PRAMEF18: variants seen among roughly 807,000 people sequenced by gnomAD.
PRAMEF18 encodes the protein PRAME family member-like.
Under a neutral mutation model 23.7 loss-of-function variants are expected in PRAMEF18, and 15 were observed. The ratio of observed to expected loss-of-function variants is 0.63; its 90% CI spans 0.42 to 0.97. The LOEUF is 0.97. Ranked by LOEUF, PRAMEF18 falls within the 50% of genes least tolerant of loss-of-function variation. The pLI is 0.00. For missense variants in PRAMEF18, 223 were observed against 418.6 expected (o/e 0.53, Z 4.08); for synonymous variants, 78 against 159.9 (o/e 0.49, Z 3.86).
At chr1:13,222,698 C>CAAA (rs1638779461), downstream of PRAMEF18, 1 of 38,148 alleles carries the variant, frequency 2.6e-5, no homozygotes, top group African/African-American at 1.0e-4. Context: ...ACAACGACAA[C>CAAA]ATGAAGTTTA....
At chr1:13,225,550 C>G in intron 1 of PRAMEF18, 117 bp from the exon 2 acceptor site, 1 of 1,268,780 alleles carries the variant, frequency 7.9e-7, no homozygotes, top group Non-Finnish European at 1.1e-6. Context: ...CTCCTTCTGT[C>G]TCTTCTCCAT....
exon 2 of PRAMEF18, chr1:13,225,013 T>C (rs764877454): frequency 1.2e-6 from 2 of 1,614,154 alleles, no homozygotes; most frequent in Non-Finnish European, 1.7e-6. Flanking sequence ...AGATGAAGAG[T>C]TTGCGAAGAT....
intron 2 of PRAMEF18, chr1:13,224,138 C>G (rs1344747511): frequency 2.6e-6 from 1 of 385,600 alleles, no homozygotes; most frequent in African/African-American, 2.6e-5. Flanking sequence ...GCCATAAAAT[C>G]TCTAAAGCCT....
At chr1:13,224,550 C>T (rs1348686469) in intron 2 of PRAMEF18, 1 of 559,106 alleles carries the variant, frequency 1.8e-6, no homozygotes, top group Non-Finnish European at 3.1e-6. Flanking sequence ...TAACTTTAAA[C>T]ACACTTCCTA....
rs1420267589 is a variant in PRAMEF18, at chr1:13,225,083, C to T, written c.638G>A (p.Trp213Ter). ...TATCATACACAGCCAGCACATGTTC[C>T]AAATTTCCAACACTTGGATACTGTC... The change falls in exon 2 of 3, where the codon TGG becomes TAG. Residue 213 changes from tryptophan to a stop codon, truncating the protein, a stop_gained. Coordinates refer to ENST00000624297, the Ensembl canonical transcript of PRAMEF18. LOFTEE classifies it high-confidence loss of function. 1.2e-6 allele frequency: 2 copies of T among 1,614,000 alleles called. No individual in the cohort carries two copies. The highest frequency in any genetic ancestry group is 1.3e-5 in the African/African-American group (1 of 74,960).
At chr1:13,225,044 C>T (rs879235545) in exon 2 of PRAMEF18, 29 of 1,613,746 alleles carry the variant, frequency 1.8e-5, no homozygotes, top group South Asian at 1.1e-4. Flanking sequence ...GCTCAGGTAA[C>T]GGCTAAACTC....
exon 2 of PRAMEF18, chr1:13,225,405 G>T (rs752739947): frequency 1.2e-6 from 2 of 1,610,274 alleles, no homozygotes; most frequent in South Asian, 1.1e-5. Flanking sequence ...TCAACATCCC[G>T]CATTTCCAGC....
At chr1:13,224,628 G>C (rs1303377738) in intron 2 of PRAMEF18, 2 of 812,072 alleles carry the variant, frequency 2.5e-6, no homozygotes, top group African/African-American at 3.5e-5. Flanking sequence ...CTCCCTACAC[G>C]ATGTCCCTCT....
chr1:13,224,856 T>A (rs1638818422), exon 2 of PRAMEF18: 1 of 1,613,852 alleles, frequency 6.2e-7, no homozygotes, highest in Non-Finnish European at 8.5e-7. Flanking sequence ...CTTCCTCACC[T>A]GATCAGCTGG....
intron 2 of PRAMEF18, 30 bp downstream of exon 2, chr1:13,224,825 C>A (rs917159173): frequency 1.2e-6 from 2 of 1,613,664 alleles, no homozygotes; most frequent in Non-Finnish European, 8.5e-7. Flanking sequence ...GTGCTATGGC[C>A]CCCAGAGAAA....
chr1:13,224,921 T>G, exon 2 of PRAMEF18: 1 of 1,614,098 alleles, frequency 6.2e-7, no homozygotes. Context: ...CTGGAGGTTC[T>G]CCAGCCTGAG....
chr1:13,225,578 T>A (rs1638838160), intron 1 of PRAMEF18, 145 bp from the exon 2 acceptor site: 1 of 1,198,368 alleles, frequency 8.3e-7, no homozygotes, highest in African/African-American at 1.5e-5. Context: ...CCCCTTGGAT[T>A]CTGCCTGGTA....
In PRAMEF18 at chr1:13,224,876, C is replaced by T. The variant is rs1484122402; in HGVS notation, c.845G>A (p.Gly282Asp). Residue 282 changes from glycine (G) to aspartate (D), a missense_variant, in exon 2 of 3, where the codon GGC (glycine) becomes GAC (aspartate). Physicochemically the swap from Gly to Asp is moderately conservative, Grantham distance 94. Around this residue, in one of 6 missense-constraint regions of PRAMEF18, gnomAD observed 160 missense variants for 130.8 expected, o/e 1.22. Transcript: ENST00000624297. ...TCACCTGATCAGCTGGTCCAGGTGG[C>T]CTCTGAAGAAGCAGACCCTTCTTAC... The T allele has an allele frequency of 8.1e-5, 130 of 1,613,858 alleles. No homozygotes were observed. Among genetic ancestry groups the T allele is most frequent in the Admixed American group, 7.3e-4 (44 of 59,984 alleles).
chr1:13,225,039 G>C (rs2100398647), exon 2 of PRAMEF18: 3 of 1,614,192 alleles, frequency 1.9e-6, no homozygotes, highest in East Asian at 4.5e-5. Context: ...ATCTGGCTCA[G>C]GTAACGGCTA....
Position 13,224,856 on chromosome 1 carries a change from TG to T in PRAMEF18, c.864del (p.Arg289GlyfsTer12), listed in dbSNP as rs1638818458. ...AGAAAGCTCACCATCCTTCCTCACC[TG>T]ATCAGCTGGTCCAGGTGGCCTCTGA... is the stretch of plus-strand genomic sequence containing the variant. On this transcript the variant is annotated frameshift_variant and splice_region_variant, in exon 2 of 3. Coordinates refer to ENST00000624297, the Ensembl canonical transcript of PRAMEF18. LOFTEE classifies it high-confidence loss of function. The T allele has an allele frequency of 6.2e-7, 1 of 1,613,852 alleles. No individual in the cohort carries two copies. Among genetic ancestry groups the T allele is most frequent in the Non-Finnish European group, 8.5e-7 (1 of 1,179,900 alleles).
At chr1:13,225,170 T>C (rs1638828216) in exon 2 of PRAMEF18, 1 of 1,612,344 alleles carries the variant, frequency 6.2e-7, no homozygotes, top group Non-Finnish European at 8.5e-7. Context: ...ATTCACCACC[T>C]TAGTACAGCA....
At chr1:13,226,069 G>T in exon 1 of PRAMEF18, 1 of 1,613,126 alleles carries the variant, frequency 6.2e-7, no homozygotes, top group Admixed American at 1.7e-5. Flanking sequence ...GCTCTGCCCT[G>T]CCAGCTCCAG....
chr1:13,224,905 AAGCATCTGG>A (rs1638819772), exon 2 of PRAMEF18: 1 of 1,614,070 alleles, frequency 6.2e-7, no homozygotes. Flanking sequence ...TTCTTACATA[AAGCATCTGG>A]AGGTTCTCCA....
At position 13,224,904 on chromosome 1, in the gene PRAMEF18, A is replaced by C. The variant is rs1638819732; in HGVS notation, c.817T>G (p.Tyr273Asp). The change falls in exon 2 of 3, where the codon TAT becomes GAT. Residue 273 changes from tyrosine (Y) to aspartate (D), a missense_variant. By Grantham distance (160) the Tyr-to-Asp change is radical. This residue lies in a region of PRAMEF18 where 160 missense variants were observed against 130.8 expected (regional missense o/e 1.22). Coordinates refer to ENST00000624297, the Ensembl canonical transcript of PRAMEF18. ...CTGAAGAAGCAGACCCTTCTTACAT[A>C]AAGCATCTGGAGGTTCTCCAGCCTG... 7 of 1,613,956 alleles carry C rather than the reference A, an allele frequency of 4.3e-6. No individual in the cohort carries two copies. The South Asian group carries it at 7.7e-5, about 18-fold the overall frequency.
Sources: allele counts gnomAD v4.1 joint callset, GRCh38; gene constraint gnomAD v4.1.1; regional missense constraint gnomAD v4.1.1; transcripts MANE v1.5; gene names NCBI Gene and HGNC (gene_info 2026-07-23, HGNC 2026-07-21).